Variants in EXOC6B observed in about 807,000 individuals in gnomAD.
EXOC6B encodes exocyst complex component 6B.
A neutral mutation model predicts 113.5 loss-of-function variants in EXOC6B; 54 were observed. The ratio of observed to expected loss-of-function variants is 0.48; its 90% CI spans 0.38 to 0.60. The LOEUF (loss-of-function observed/expected upper bound fraction) is 0.60, where lower values mean the gene tolerates loss of function less well. EXOC6B is among the 20% of genes least tolerant of loss of function. The probability of loss-of-function intolerance (pLI) is 0.00; values close to 1 mark genes in which losing one functional copy is unlikely to be tolerated. For missense variants in EXOC6B, 797 were observed against 977.5 expected (o/e 0.82, Z 2.46); for synonymous variants, 357 against 339.0 (o/e 1.05, Z -0.58).
At chr2:72,695,074 C>T (rs555423369) in intron 6 of EXOC6B, among the ~76,000 whole-genome samples, 10 of 152,328 alleles carry the variant, frequency 6.6e-5, no homozygotes, top group African/African-American at 2.4e-4. Context: ...CACAGGCACA[C>T]TGCCAACCAG....
chr2:72,733,189 T>C (rs1424613451), intron 2 of EXOC6B, 71 bp from the exon 3 acceptor site: 1 of 1,141,400 alleles, frequency 8.8e-7, no homozygotes, highest in Non-Finnish European at 1.3e-6. Context: ...GATCTAAATT[T>C]AATATGAAAA....
intron 20 of EXOC6B, among the ~76,000 whole-genome samples, chr2:72,265,002 T>C (rs751535756): frequency 5.7e-4 from 86 of 152,128 alleles, no homozygotes; most frequent in Non-Finnish European, 9.7e-4. Context: ...GCTATAAAGA[T>C]ACCTGAAAAC....
At chr2:72,460,717 G>A (rs944149470) in intron 18 of EXOC6B, among the ~76,000 whole-genome samples, 3 of 152,190 alleles carry the variant, frequency 2.0e-5, no homozygotes, top group South Asian at 4.1e-4. Flanking sequence ...TACAGGTGCT[G>A]GAGAGGATGT....
chr2:72,649,427 A>G (rs962983261), intron 6 of EXOC6B, among the ~76,000 whole-genome samples: 5 of 152,234 alleles, frequency 3.3e-5, no homozygotes, highest in Non-Finnish European at 7.3e-5. Flanking sequence ...TGTGACTATT[A>G]TTACACATTG....
chr2:72,399,107 T>C lies in EXOC6B; in HGVS notation c.1981-19237A>G, dbSNP rs146368373. ...CCAGCAACACATCAAAAATATAATA[T>C]AGCACAATCCAGTGTGTTTTATTCC... On this transcript the variant is annotated intron_variant, in intron 18 of 21. Transcript: ENST00000272427. Among the ~76,000 whole-genome samples, 748 of 152,030 alleles carry C rather than the reference T, an allele frequency of 4.9e-3. 10 individuals are homozygous for C. Among genetic ancestry groups the C allele is most frequent in the African/African-American group, 0.017 (693 of 41,464 alleles).
intron 6 of EXOC6B, among the ~76,000 whole-genome samples, chr2:72,672,589 A>G (rs1269377186): frequency 6.6e-6 from 1 of 152,054 alleles, no homozygotes. Context: ...AAAGAAAAGA[A>G]AACGTGGTAT....
At chr2:72,247,340 G>C (rs1682728686) in intron 20 of EXOC6B, among the ~76,000 whole-genome samples, 1 of 152,150 alleles carries the variant, frequency 6.6e-6, no homozygotes, top group Admixed American at 6.5e-5. Flanking sequence ...CCTACTGTGA[G>C]GATCTGAAAA....
In EXOC6B at chr2:72,179,180, T is replaced by C. The variant is rs1393206309; in HGVS notation, c.*155A>G. Reference sequence around the variant, plus strand: ...GCTTATTCTTGTGCCTCTTTTACTATAGGGAAATGTTATGTGAATACTGCA... The same window carrying C: ...GCTTATTCTTGTGCCTCTTTTACTACAGGGAAATGTTATGTGAATACTGCA... On this transcript the variant is annotated 3_prime_UTR_variant, in exon 22 of 22. Coordinates refer to ENST00000272427, the MANE Select transcript of EXOC6B (RefSeq NM_015189.3). 7 of 826,962 alleles carry C rather than the reference T, an allele frequency of 8.5e-6. No homozygotes were observed. The highest frequency in any genetic ancestry group is 8.9e-6 in the Non-Finnish European group (5 of 558,676). 51.2% of individuals were successfully genotyped at this position (826,962 alleles called of 1,614,324 possible).
chr2:72,665,357 G>C (rs1199174121), intron 6 of EXOC6B, among the ~76,000 whole-genome samples: 1 of 152,096 alleles, frequency 6.6e-6, no homozygotes, highest in Non-Finnish European at 1.5e-5. Context: ...GAGAACCCCT[G>C]AGTAATGCTA....
chr2:72,183,625 A>C (rs1376461335), intron 21 of EXOC6B, among the ~76,000 whole-genome samples: 1 of 152,122 alleles, frequency 6.6e-6, no homozygotes, highest in Non-Finnish European at 1.5e-5. Flanking sequence ...AATAATTCTA[A>C]ATAATTTCCA....
At chr2:72,611,100 C>T (rs1310591136) in intron 6 of EXOC6B, among the ~76,000 whole-genome samples, 3 of 152,144 alleles carry the variant, frequency 2.0e-5, no homozygotes, top group Non-Finnish European at 4.4e-5. Context: ...TGGTGGCTCA[C>T]ACCTGTAATC....
chr2:72,794,680 G>T (rs1320302483), intron 1 of EXOC6B, among the ~76,000 whole-genome samples: 1 of 152,170 alleles, frequency 6.6e-6, no homozygotes, highest in Non-Finnish European at 1.5e-5. Context: ...TATATACCAG[G>T]TGATAGAAAC....
chr2:72,802,429 T>C (rs1236399879), intron 1 of EXOC6B, among the ~76,000 whole-genome samples: 2 of 152,114 alleles, frequency 1.3e-5, no homozygotes, highest in Non-Finnish European at 2.9e-5. Context: ...ACTTAATATA[T>C]ATCTGTATCT....
chr2:72,718,772 G>A (rs547366414), intron 5 of EXOC6B, among the ~76,000 whole-genome samples: 38 of 152,292 alleles, frequency 2.5e-4, no homozygotes, highest in African/African-American at 5.1e-4. Context: ...TTTGAACCCC[G>A]GAGGCGGAGG....
chr2:72,697,042 T>A (rs994266618), intron 6 of EXOC6B, among the ~76,000 whole-genome samples: 1 of 152,170 alleles, frequency 6.6e-6, no homozygotes, highest in Non-Finnish European at 1.5e-5. Flanking sequence ...TCTCTCTAAA[T>A]GTCTATCCTG....
intron 18 of EXOC6B, among the ~76,000 whole-genome samples, chr2:72,387,612 T>A (rs960663048): frequency 6.6e-6 from 1 of 152,168 alleles, no homozygotes; most frequent in African/African-American, 2.4e-5. Context: ...CCAAGTCACC[T>A]ACATGGTCAA....
intron 20 of EXOC6B, among the ~76,000 whole-genome samples, chr2:72,240,105 C>T (rs916136461): frequency 6.6e-6 from 1 of 152,134 alleles, no homozygotes; most frequent in Non-Finnish European, 1.5e-5. Context: ...CTAAGTATAA[C>T]ATCATGTCAT....
intron 6 of EXOC6B, among the ~76,000 whole-genome samples, chr2:72,609,859 T>C (rs1670969375): frequency 6.6e-6 from 1 of 151,972 alleles, no homozygotes; most frequent in Admixed American, 6.6e-5. Flanking sequence ...AGGGAAAACA[T>C]TAAGAACAGC....
At chr2:72,671,821 AG>A (rs1233018917) in intron 6 of EXOC6B, among the ~76,000 whole-genome samples, 2 of 145,878 alleles carry the variant, frequency 1.4e-5, no homozygotes, top group African/African-American at 5.1e-5. Context: ...GAAAGAAAGA[AG>A]AGAAAAGAAA....
Sources: allele counts gnomAD v4.1 joint callset (sites outside exome capture counted in the v4.1 genomes callset), GRCh38; gene constraint gnomAD v4.1.1; transcripts MANE v1.5; gene names NCBI Gene and HGNC (gene_info 2026-07-23, HGNC 2026-07-21).